Variants in POGZ observed in about 807,000 individuals in gnomAD.
POGZ encodes the protein pogo transposable element with ZNF domain.
Under a neutral mutation model 134.6 loss-of-function variants are expected in POGZ, and 17 were observed. That is an observed-to-expected ratio of 0.13 (90% CI 0.09 to 0.19). The LOEUF is 0.19. POGZ is among the 10% of genes least tolerant of loss of function. POGZ has a pLI of 1.00. For synonymous variants in POGZ, 693 were observed against 657.1 expected (o/e 1.05, Z -0.84); for missense variants, 1,306 against 1,769.7 (o/e 0.74, Z 4.70).
At chr1:151,445,408 G>A (rs2102387531) in intron 1 of POGZ, among the ~76,000 whole-genome samples, 1 of 151,360 alleles carries the variant, frequency 6.6e-6, no homozygotes, top group South Asian at 2.1e-4. Context: ...TGTAATCCCA[G>A]TTACTCAGGA....
At chr1:151,424,425 G>A (rs894534451) in intron 8 of POGZ, 139 bp from the exon 9 acceptor site, 13 of 577,912 alleles carry the variant, frequency 2.2e-5, no homozygotes, top group Admixed American at 1.4e-4. Context: ...TTTTTTTAGC[G>A]TTTCCAAGTT....
At chr1:151,444,065 C>G (rs1660935944) in intron 1 of POGZ, among the ~76,000 whole-genome samples, 1 of 152,164 alleles carries the variant, frequency 6.6e-6, no homozygotes, top group African/African-American at 2.4e-5. Context: ...AAATTGAAAA[C>G]AATCTTGCAG....
chr1:151,406,082 G>A lies in POGZ; in HGVS notation c.2953C>T (p.Leu985=), dbSNP rs1232960365. The change falls in exon 19 of 19, where the codon CTA becomes TTA. Residue 985 remains leucine (L), a synonymous_variant. Coordinates refer to ENST00000271715, the MANE Select transcript of POGZ (RefSeq NM_015100.4). The stretch of plus-strand genomic sequence containing the variant: ...GCTGCCTGTTCTGTATTGCAGCATA[G>A]AGCAAACAGTACTACTCGAAGCTTC... ...VKKLRVVLFA[L]CCNTEQAAEH... 3.1e-6 allele frequency: 5 copies of A among 1,614,076 alleles called. No individual in the cohort carries two copies. The highest frequency in any genetic ancestry group is 1.7e-5 in the Admixed American group (1 of 60,008).
At chr1:151,423,922 T>C (rs1657358712) in intron 9 of POGZ, 27 bp downstream of exon 9, 2 of 1,536,382 alleles carry the variant, frequency 1.3e-6, no homozygotes, top group African/African-American at 2.8e-5. Context: ...TTGTTCAAGG[T>C]AACTTCCAAG....
Position 151,406,945 on chromosome 1 carries a change from G to A in POGZ, c.2511C>T (p.Asn837=). 6.2e-7 allele frequency: 1 copy of A among 1,614,062 alleles called. No homozygotes were observed. The highest frequency in any genetic ancestry group is 8.5e-7 in the Non-Finnish European group (1 of 1,179,922). The change falls in exon 17 of 19, where the codon AAC becomes AAT. Residue 837 remains asparagine (N), a synonymous_variant. Transcript: ENST00000271715. The part of the protein sequence containing the change: ...GDAMAKHLVF[N]PSHRSSSILP... ...GGATGCTGCTGGATCTGTGAGAGGG[G>A]TTGAATACCAAATGCTTGGCCATAG...
intron 15 of POGZ, 87 bp downstream of exon 15, chr1:151,408,013 A>C (rs1285280742): frequency 4.2e-5 from 37 of 874,018 alleles, no homozygotes; most frequent in Non-Finnish European, 5.2e-5. Flanking sequence ...CCCTGTCTTC[A>C]AAAAAAAAAA....
chr1:151,445,110 C>T (rs938701043), intron 1 of POGZ, among the ~76,000 whole-genome samples: 2 of 151,912 alleles, frequency 1.3e-5, no homozygotes, highest in African/African-American at 4.8e-5. Flanking sequence ...GAAAAGATGG[C>T]AAAGAAAGAT....
At chr1:151,439,012 G>A (rs1375063727) in intron 3 of POGZ, 1 of 152,090 alleles carries the variant, frequency 6.6e-6, no homozygotes, top group Non-Finnish European at 1.5e-5. Flanking sequence ...CTAGTCCTGT[G>A]GTAGTGGGTT....
intron 3 of POGZ, among the ~76,000 whole-genome samples, chr1:151,435,136 G>A (rs1177771382): frequency 6.6e-6 from 1 of 152,100 alleles, no homozygotes; most frequent in African/African-American, 2.4e-5. Context: ...CTGACCTCAG[G>A]CGATCTGCCC....
intron 12 of POGZ, among the ~76,000 whole-genome samples, chr1:151,411,415 T>C (rs1047472786): frequency 1.3e-5 from 2 of 152,236 alleles, no homozygotes; most frequent in African/African-American, 4.8e-5. Context: ...GTACTCTTCA[T>C]GTTTTATTGT....
In POGZ at chr1:151,404,173, G is replaced by C; in HGVS notation, c.*629C>G. 1 of 985,624 alleles carries C rather than the reference G, an allele frequency of 1.0e-6. No homozygotes were observed. The highest frequency in any genetic ancestry group is 1.2e-6 in the Non-Finnish European group (1 of 829,846). 61.1% of individuals were successfully genotyped at this position (985,624 alleles called of 1,614,324 possible). On this transcript the variant is annotated 3_prime_UTR_variant, in exon 19 of 19. Transcript: ENST00000271715. ...CTGTAGAAACCAACATCTCTGGAGA[G>C]GGAAGGAAAGAAAAGGAGAAGGAAG...
chr1:151,426,204 T>C (rs1193267015), intron 7 of POGZ: 2 of 151,622 alleles, frequency 1.3e-5, no homozygotes, highest in Non-Finnish European at 2.9e-5. Flanking sequence ...TTTTTTTTTT[T>C]GAGATGGGGT....
At chr1:151,435,554 G>A (rs558349271) in intron 3 of POGZ, among the ~76,000 whole-genome samples, 2 of 150,350 alleles carry the variant, frequency 1.3e-5, no homozygotes, top group South Asian at 2.1e-4. Context: ...GTGCAGTAAC[G>A]TGATCTCAGC....
intron 10 of POGZ, among the ~76,000 whole-genome samples, chr1:151,417,688 CCACA>C (rs59753677): frequency 0.2 from 27,536 of 137,268 alleles, 3,139 homozygotes; most frequent in South Asian, 0.28. Context: ...GGTACTGTGG[CCACA>C]CACACACACA....
In POGZ at chr1:151,428,338, C is replaced by A. The variant is rs757988561; in HGVS notation, c.644G>T (p.Gly215Val). ...GGTGGGCCTCACAGGCATTGTGGAG[C>A]CTGGCCTCACAGGGGTCATCTGGGA... ...VFSQMTPVRPGSTMPVRPTTN... is the reference protein window; with the variant it reads ...VFSQMTPVRPVSTMPVRPTTN... Residue 215 changes from glycine (G) to valine (V), a missense_variant, in exon 6 of 19, where the codon GGC becomes GTC. Physicochemically the swap from Gly to Val is moderately radical, Grantham distance 109. Transcript: ENST00000271715. The A allele has an allele frequency of 1.9e-6, 3 of 1,613,974 alleles. No individual in the cohort carries two copies. The Admixed American group carries it at 5.0e-5, about 27-fold the overall frequency.
At position 151,404,993 on chromosome 1, in the gene POGZ, C is replaced by G. The variant is rs756691187; in HGVS notation, c.4042G>C (p.Glu1348Gln). Residue 1348 changes from glutamate to glutamine, a missense_variant, in exon 19 of 19, where the codon GAG becomes CAG. Glu to Gln is a conservative substitution (Grantham distance 29). Coordinates refer to ENST00000271715, the MANE Select transcript of POGZ (RefSeq NM_015100.4). ...TGCTCCTCTAGGGAGGCAATTAGCT[C>G]CTCCTGCATGTCAGCATTTCTTGTA... is the stretch of plus-strand genomic sequence containing the variant. ...SPTRNADMQE[E>Q]LIASLEEQLK... 3.1e-6 allele frequency: 5 copies of G among 1,614,054 alleles called. No individual in the cohort carries two copies. In the East Asian group the frequency reaches 1.1e-4, roughly 36 times the overall value.
intron 10 of POGZ, among the ~76,000 whole-genome samples, chr1:151,419,510 C>A (rs1016522317): frequency 1.1e-4 from 16 of 150,938 alleles, no homozygotes; most frequent in South Asian, 1.0e-3. Context: ...AAACAAAAAA[C>A]CCCCCAAAAT....
intron 1 of POGZ, among the ~76,000 whole-genome samples, chr1:151,448,653 G>C (rs1484497404): frequency 6.6e-6 from 1 of 151,958 alleles, no homozygotes; most frequent in Non-Finnish European, 1.5e-5. Flanking sequence ...TTTGAGCCCA[G>C]AGGTTCGAGA....
chr1:151,404,838 G>C lies in POGZ; in HGVS notation c.4197C>G (p.Gly1399=), dbSNP rs761846366. 1 of 1,611,966 alleles carries C rather than the reference G, an allele frequency of 6.2e-7. No homozygotes were observed. Among genetic ancestry groups the C allele is most frequent in the African/African-American group, 1.3e-5 (1 of 74,322 alleles). Reference sequence around the variant, plus strand: ...TCAGATCTAGGTCAGCTTCTTCAAAGCCATAGAAAGACTCGGTCTCACTTT... The same window carrying C: ...TCAGATCTAGGTCAGCTTCTTCAAACCCATAGAAAGACTCGGTCTCACTTT... ...EGESETESFY[G]FEEADLDLME... The change falls in exon 19 of 19, where the codon GGC becomes GGG. Residue 1399 remains glycine, a synonymous_variant. Coordinates refer to ENST00000271715, the MANE Select transcript of POGZ (RefSeq NM_015100.4).
Sources: gnomAD v4.1 joint callset for allele counts (sites outside exome capture counted in the v4.1 genomes callset) on GRCh38, gnomAD v4.1.1 for gene constraint, MANE v1.5 for transcripts, NCBI Gene and HGNC (gene_info 2026-07-23, HGNC 2026-07-21) for gene names.